Variants in ADGRG6 observed in about 807,000 individuals in gnomAD.
The protein encoded by ADGRG6 is adhesion G protein-coupled receptor G6.
Under a neutral mutation model 142.4 loss-of-function variants are expected in ADGRG6, and 84 were observed. The observed-to-expected ratio is 0.59, with a 90% CI of 0.49 to 0.71. The LOEUF is 0.71. Ranked by LOEUF, ADGRG6 falls within the 30% of genes least tolerant of loss-of-function variation. ADGRG6 has a pLI of 0.00. For synonymous variants in ADGRG6, 521 were observed against 520.5 expected, an observed-to-expected ratio of 1.00 and a Z score of -0.01; for missense variants, 1,367 against 1,466.6, an observed-to-expected ratio of 0.93 and a Z score of 1.11.
intron 14 of ADGRG6, among the ~76,000 whole-genome samples, chr6:142,404,513 G>A (rs952743129): frequency 4.6e-5 from 7 of 151,980 alleles, no homozygotes; most frequent in Non-Finnish European, 1.0e-4. Context: ...GCATGGTGGT[G>A]CAGGCCTGTA....
At chr6:142,317,790 A>AAT (rs1491232905) in intron 2 of ADGRG6, among the ~76,000 whole-genome samples, 1 of 90,034 alleles carries the variant, frequency 1.1e-5, no homozygotes, top group Non-Finnish European at 2.0e-5. Context: ...ATTTATATAT[A>AAT]ATATATATAT....
chr6:142,334,195 A>T (rs1779201801), intron 2 of ADGRG6, among the ~76,000 whole-genome samples: 1 of 152,208 alleles, frequency 6.6e-6, no homozygotes, highest in Non-Finnish European at 1.5e-5. Context: ...TAGACAAAAG[A>T]TGGAAGAAAT....
intron 22 of ADGRG6, among the ~76,000 whole-genome samples, chr6:142,424,877 CA>C (rs1487967517): frequency 1.3e-5 from 2 of 151,536 alleles, no homozygotes; most frequent in Non-Finnish European, 2.9e-5. Flanking sequence ...GAATGTGTTA[CA>C]AAAAAACATG....
Position 142,393,977 on chromosome 6 carries a change from GT to G in ADGRG6, c.1424+20del. The G allele has an allele frequency of 6.9e-7, 1 of 1,444,904 alleles. No homozygotes were observed. The highest frequency in any genetic ancestry group is 9.5e-7 in the Non-Finnish European group (1 of 1,047,572). 89.5% of individuals were successfully genotyped at this position (1,444,904 alleles called of 1,614,324 possible). ...AGCCAAGGTAACAGGACAAAGTATT[GT>G]AAAGAGTATAACATTCTTTCTCTTG... On this transcript the variant is annotated intron_variant, in intron 9 of 24. Transcript: ENST00000367609.
chr6:142,364,014 T>C (rs1468863659), intron 2 of ADGRG6, among the ~76,000 whole-genome samples: 1 of 151,980 alleles, frequency 6.6e-6, no homozygotes, highest in African/African-American at 2.4e-5. Context: ...CAACTTTTTT[T>C]TTTTTTTCCT....
At chr6:142,416,164 G>A in intron 20 of ADGRG6, 100 bp downstream of exon 20, 2 of 817,142 alleles carry the variant, frequency 2.4e-6, no homozygotes, top group East Asian at 5.3e-5. Flanking sequence ...GTACCATTAA[G>A]AGGAACCTCA....
intron 2 of ADGRG6, among the ~76,000 whole-genome samples, chr6:142,364,379 A>G (rs1780854934): frequency 6.6e-6 from 1 of 152,190 alleles, no homozygotes; most frequent in Non-Finnish European, 1.5e-5. Flanking sequence ...TTCTGAATTC[A>G]TGTTATGAGT....
chr6:142,423,430 C>T (rs1023040750), intron 22 of ADGRG6, among the ~76,000 whole-genome samples: 1 of 152,134 alleles, frequency 6.6e-6, no homozygotes, highest in Non-Finnish European at 1.5e-5. Flanking sequence ...ATAGGGAATC[C>T]TTTCCCCATT....
In ADGRG6 at chr6:142,403,956, A is replaced by G. The variant is rs1466767157; in HGVS notation, c.2110A>G (p.Asn704Asp). The G allele has an allele frequency of 6.2e-7, 1 of 1,608,448 alleles. No homozygotes were observed. Among genetic ancestry groups the G allele is most frequent in the South Asian group, 1.1e-5 (1 of 90,500 alleles). Residue 704 changes from asparagine to aspartate, a missense_variant, in exon 14 of 25, where the codon AAT becomes GAT. Transcript: ENST00000367609. ...SNFSIGLPSN[N>D]ESYFQMDFES... ...TTTTAGCATTGGTCTTCCAAGCAATAATGAATCGTATTTCCAGGTAATGAG... is the reference window on the plus strand; with the variant it reads ...TTTTAGCATTGGTCTTCCAAGCAATGATGAATCGTATTTCCAGGTAATGAG...
chr6:142,401,787 G>T (rs776197701), intron 11 of ADGRG6, among the ~76,000 whole-genome samples: 1 of 151,960 alleles, frequency 6.6e-6, no homozygotes, highest in Non-Finnish European at 1.5e-5. Context: ...ACAGAAATAG[G>T]CTAGAGAGAT....
At chr6:142,318,059 A>G (rs1384288286) in intron 2 of ADGRG6, among the ~76,000 whole-genome samples, 6 of 53,362 alleles carry the variant, frequency 1.1e-4, no homozygotes, top group African/African-American at 5.2e-4. Flanking sequence ...ATATATATTT[A>G]TATTATATAT....
intron 2 of ADGRG6, among the ~76,000 whole-genome samples, chr6:142,343,555 A>C (rs919315872): frequency 1.3e-5 from 2 of 151,862 alleles, no homozygotes; most frequent in Non-Finnish European, 2.9e-5. Flanking sequence ...TTAAATCTAC[A>C]TTCAGGTTTT....
chr6:142,416,157 C>A, intron 20 of ADGRG6, 93 bp downstream of exon 20: 1 of 891,104 alleles, frequency 1.1e-6, no homozygotes, highest in Non-Finnish European at 1.7e-6. Flanking sequence ...AAAAATAGTA[C>A]CATTAAGAGG....
intron 2 of ADGRG6, among the ~76,000 whole-genome samples, chr6:142,340,142 C>T (rs1200207054): frequency 6.6e-6 from 1 of 152,088 alleles, no homozygotes; most frequent in East Asian, 1.9e-4. Flanking sequence ...AGTAATTCTA[C>T]ATCTGTGGAA....
rs558168577 is a variant in ADGRG6, at chr6:142,384,684, A to G, written c.1222+841A>G. 2.6e-5 allele frequency among the ~76,000 whole-genome samples: 4 copies of G among 152,308 alleles called. No individual in the cohort carries two copies. In the East Asian group the frequency reaches 7.7e-4, roughly 29 times the overall value. On this transcript the variant is annotated intron_variant, in intron 6 of 24. Coordinates refer to ENST00000367609, the MANE Select transcript of ADGRG6 (RefSeq NM_198569.3). ...AGCATTAGAAACAAAGGAATTTTCT[A>G]AACTCCAGTCATTTAGCTTATGAGG...
chr6:142,435,213 C>T (rs913804560), intron 22 of ADGRG6, among the ~76,000 whole-genome samples: 2 of 152,092 alleles, frequency 1.3e-5, no homozygotes, highest in Non-Finnish European at 2.9e-5. Context: ...CCTGGTTCAC[C>T]ATTGAATCTC....
chr6:142,385,115 A>T (rs1029262670), intron 6 of ADGRG6, among the ~76,000 whole-genome samples: 2 of 152,160 alleles, frequency 1.3e-5, no homozygotes, highest in Non-Finnish European at 2.9e-5. Context: ...GGATTGACAC[A>T]TCCTCTACTG....
intron 4 of ADGRG6, among the ~76,000 whole-genome samples, chr6:142,379,273 G>T (rs1045501780): frequency 6.6e-6 from 1 of 152,094 alleles, no homozygotes; most frequent in Non-Finnish European, 1.5e-5. Context: ...GTTGCTAAAT[G>T]TTATGCATTC....
rs754690481 is a variant in ADGRG6, at chr6:142,401,956, T to C, written c.1680-38T>C. On this transcript the variant is annotated intron_variant, in intron 11 of 24. Transcript: ENST00000367609. ...TTTAAGCAGTACAAAATAATACCAGTTATATCAAATATTTAAAATATCTAT... is the reference window on the plus strand; with the variant it reads ...TTTAAGCAGTACAAAATAATACCAGCTATATCAAATATTTAAAATATCTAT... 8.6e-6 allele frequency: 8 copies of C among 930,498 alleles called. No homozygotes were observed. The East Asian group carries it at 2.1e-4, about 25-fold the overall frequency. The allele number at this position is 930,498 out of a possible 1,614,324, so 57.6% of individuals were successfully genotyped here.
Sources: gnomAD v4.1 joint callset for allele counts (sites outside exome capture counted in the v4.1 genomes callset) on GRCh38, gnomAD v4.1.1 for gene constraint, MANE v1.5 for transcripts, NCBI Gene and HGNC (gene_info 2026-07-23, HGNC 2026-07-21) for gene names.